Variants in CNTLN observed in about 807,000 individuals in gnomAD.
CNTLN encodes centlein.
CNTLN carries 212 observed loss-of-function variants against 180.0 expected under a neutral mutation model. The ratio of observed to expected loss-of-function variants is 1.18; its 90% CI spans 1.05 to 1.32. The LOEUF is 1.32. CNTLN is among the 40% of genes most tolerant of loss of function. CNTLN has a pLI of 0.00. For missense variants in CNTLN, 2,095 were observed against 1,610.9 expected, an observed-to-expected ratio of 1.30 and a Z score of -5.14; for synonymous variants, 722 against 563.1, an observed-to-expected ratio of 1.28 and a Z score of -3.99.
rs921153245 is a variant in CNTLN, at chr9:17,330,915, G to A, written c.1518+107G>A. The A allele has an allele frequency of 4.0e-6, 4 of 1,011,588 alleles. No homozygotes were observed. The East Asian group carries it at 7.9e-5, about 20-fold the overall frequency. 62.7% of individuals were successfully genotyped at this position (1,011,588 alleles called of 1,614,324 possible). A position where few individuals can be genotyped will look rare whatever the true frequency, so the allele number is the denominator to read the frequency against. ...ATTTACTTCTCTGCTTGTATTTCGG[G>A]AAACTTTTGAAAAATATTATGTACC... On this transcript the variant is annotated intron_variant, in intron 9 of 25. Transcript: ENST00000380647.
At chr9:17,423,808 G>A (rs756708870) in intron 18 of CNTLN, among the ~76,000 whole-genome samples, 1 of 152,054 alleles carries the variant, frequency 6.6e-6, no homozygotes, top group Admixed American at 6.5e-5. Context: ...GTTGTGTTCC[G>A]CTGTGACAGG....
At chr9:17,297,313 G>C (rs749646748) in intron 6 of CNTLN, among the ~76,000 whole-genome samples, 2 of 152,162 alleles carry the variant, frequency 1.3e-5, no homozygotes, top group African/African-American at 2.4e-5. Context: ...TTGAGCATCT[G>C]TAAATTTTCA....
chr9:17,496,492 G>C (rs916529832), intron 25 of CNTLN, among the ~76,000 whole-genome samples: 3 of 152,104 alleles, frequency 2.0e-5, no homozygotes, highest in African/African-American at 7.2e-5. Flanking sequence ...CCATCCTCAT[G>C]ACCTAATTAC....
At chr9:17,304,352 T>C (rs1158826007) in intron 7 of CNTLN, among the ~76,000 whole-genome samples, 1 of 152,198 alleles carries the variant, frequency 6.6e-6, no homozygotes, top group Non-Finnish European at 1.5e-5. Context: ...ATTTTTAATA[T>C]TTTTATATCT....
chr9:17,349,146 CCTT>C (rs1351879102), intron 12 of CNTLN, among the ~76,000 whole-genome samples: 2 of 152,224 alleles, frequency 1.3e-5, no homozygotes, highest in African/African-American at 2.4e-5. Context: ...CCTATTCTAT[CCTT>C]CTTCTTTTCC....
Position 17,135,218 on chromosome 9 carries a change from C to T in CNTLN, c.153C>T (p.Asp51=). 1 of 1,610,186 alleles carries T rather than the reference C, an allele frequency of 6.2e-7. No homozygotes were observed. The highest frequency in any genetic ancestry group is 8.5e-7 in the Non-Finnish European group (1 of 1,178,700). ...GCGCAGCGCGGGAGGTGGTCGCGGA[C>T]GAAAGTGATAAAATCTGGGTGGGTG... ...FAGAAREVVA[D]ESDKIWVGEE... is the part of the protein sequence containing the mutation. The change falls in exon 1 of 26, where the codon GAC becomes GAT. Residue 51 remains aspartate (D), a synonymous_variant. Transcript: ENST00000380647.
At chr9:17,290,617 G>C (rs1022254277) in intron 6 of CNTLN, among the ~76,000 whole-genome samples, 1 of 144,646 alleles carries the variant, frequency 6.9e-6, no homozygotes, top group Non-Finnish European at 1.5e-5. Context: ...CCTGGCTGCC[G>C]CCTTGCAGTT....
At chr9:17,170,347 A>G (rs1490722115) in intron 2 of CNTLN, among the ~76,000 whole-genome samples, 1 of 151,534 alleles carries the variant, frequency 6.6e-6, no homozygotes, top group East Asian at 1.9e-4. Context: ...TGGCAGTTTT[A>G]CTTCTTCCTT....
intron 15 of CNTLN, among the ~76,000 whole-genome samples, chr9:17,405,166 C>T (rs1756212825): frequency 6.6e-6 from 1 of 151,688 alleles, no homozygotes; most frequent in East Asian, 1.9e-4. Context: ...TATAGTTTGC[C>T]ATACCATACT....
At chr9:17,341,792 GT>G (rs1821499491) in intron 11 of CNTLN, among the ~76,000 whole-genome samples, 1 of 152,162 alleles carries the variant, frequency 6.6e-6, no homozygotes, top group African/African-American at 2.4e-5. Flanking sequence ...TCTTTGATGA[GT>G]GGAAGTGTTT....
intron 2 of CNTLN, among the ~76,000 whole-genome samples, chr9:17,194,523 A>G (rs1324749932): frequency 2.0e-5 from 3 of 152,158 alleles, no homozygotes; most frequent in Non-Finnish European, 2.9e-5. Context: ...CTAGTTCCCA[A>G]CAAGTTCCTC....
At chr9:17,363,759 T>A (rs2133411182) in intron 12 of CNTLN, among the ~76,000 whole-genome samples, 1 of 152,268 alleles carries the variant, frequency 6.6e-6, no homozygotes, top group African/African-American at 2.4e-5. Context: ...ATGATTGCTT[T>A]AGATAATAAA....
chr9:17,242,693 C>T (rs1825568905), intron 5 of CNTLN, among the ~76,000 whole-genome samples: 1 of 152,190 alleles, frequency 6.6e-6, no homozygotes, highest in Non-Finnish European at 1.5e-5. Context: ...ACCATCCTTG[C>T]ATCCCTAGGA....
chr9:17,282,278 A>G (rs890500657), intron 6 of CNTLN, among the ~76,000 whole-genome samples: 2 of 152,128 alleles, frequency 1.3e-5, no homozygotes, highest in African/African-American at 4.8e-5. Flanking sequence ...AATAATATCC[A>G]TTCTGACTGG....
rs1281004871 is a variant in CNTLN, at chr9:17,340,975, T to C, written c.1766+27T>C. 4 of 1,585,438 alleles carry C rather than the reference T, an allele frequency of 2.5e-6. No homozygotes were observed. The South Asian group carries it at 4.7e-5, about 19-fold the overall frequency. The stretch of plus-strand genomic sequence containing the variant: ...TGAGTTACATAGCTCATAAAGGCAT[T>C]TCCCTAAATATTAAATGGAATGGAG... On this transcript the variant is annotated intron_variant, in intron 11 of 25. Transcript: ENST00000380647.
At chr9:17,462,888 T>G in intron 19 of CNTLN, 28 bp from the exon 20 acceptor site, 1 of 1,311,070 alleles carries the variant, frequency 7.6e-7, no homozygotes, top group Non-Finnish European at 1.0e-6. Flanking sequence ...GTAAGGTATA[T>G]TTAAATTTAT....
At chr9:17,323,255 C>T (rs1820041550) in intron 8 of CNTLN, among the ~76,000 whole-genome samples, 1 of 152,024 alleles carries the variant, frequency 6.6e-6, no homozygotes, top group Non-Finnish European at 1.5e-5. Context: ...CAATTTGCAA[C>T]CCAAAGGTAG....
the CNTLN span, among the ~76,000 whole-genome samples, chr9:17,527,733 C>G: frequency 6.6e-6 from 1 of 152,040 alleles, no homozygotes; most frequent in South Asian, 2.1e-4. Context: ...TAAGAGGAAC[C>G]AGGGCTCTTG....
chr9:17,142,443 A>G (rs1156946861), intron 1 of CNTLN, among the ~76,000 whole-genome samples: 1 of 152,190 alleles, frequency 6.6e-6, no homozygotes, highest in African/African-American at 2.4e-5. Context: ...TGAGAGGGTA[A>G]GGAACCAATA....
Sources: allele counts gnomAD v4.1 joint callset (sites outside exome capture counted in the v4.1 genomes callset), GRCh38; gene constraint gnomAD v4.1.1; transcripts MANE v1.5; gene names NCBI Gene and HGNC (gene_info 2026-07-23, HGNC 2026-07-21).